Variants in CLK4 observed in about 807,000 individuals in gnomAD.
CLK4 encodes the protein CDC like kinase 4, also known as dual specificity protein kinase CLK4.
Under a neutral mutation model 64.4 loss-of-function variants are expected in CLK4, and 37 were observed. That is an observed-to-expected ratio of 0.57 (90% CI 0.44 to 0.76). CLK4 has a LOEUF of 0.76. Among genes scored for constraint, CLK4 ranks in the 30% least tolerant of loss-of-function variants. The pLI, the probability that CLK4 is intolerant of heterozygous loss-of-function variation, is 0.00. For synonymous variants in CLK4, 175 were observed against 191.6 expected (o/e 0.91, Z 0.72); for missense variants, 457 against 605.1 (o/e 0.76, Z 2.57).
intron 2 of CLK4, chr5:178,622,301 T>C (rs1267698143): frequency 3.1e-6 from 1 of 327,278 alleles, no homozygotes; most frequent in Admixed American, 6.5e-5. Flanking sequence ...TATATAACAA[T>C]GCGTATGAAG....
Position 178,613,830 on chromosome 5 carries a change from C to T in CLK4, c.556G>A (p.Val186Ile), listed in dbSNP as rs771039065. 6.2e-7 allele frequency: 1 copy of T among 1,611,858 alleles called. No individual in the cohort carries two copies. The highest frequency in any genetic ancestry group is 8.5e-7 in the Non-Finnish European group (1 of 1,178,114). ...ACATTTTTTACGATTTTCACTGCTA[C>T]ATGCATGCCATCCCTTAAAAATAAA... ...CIDHGMDGMH[V>I]AVKIVKNVGR... The change falls in exon 6 of 13, where the codon GTA (valine) becomes ATA (isoleucine). Residue 186 changes from valine to isoleucine, a missense_variant. Coordinates refer to ENST00000316308, the MANE Select transcript of CLK4 (RefSeq NM_020666.3).
chr5:178,624,408 T>C lies in CLK4; in HGVS notation c.1-992A>G, dbSNP rs117746104. Among the ~76,000 whole-genome samples, 153 of 152,358 alleles carry C rather than the reference T, an allele frequency of 1.0e-3. 2 individuals are homozygous for C. The East Asian group carries it at 0.014, about 14-fold the overall frequency. On this transcript the variant is annotated intron_variant, in intron 1 of 12. Transcript: ENST00000316308. ...TATTCTTAACCTTAAAATCTATTTGTAGTAAATCTGGAGTAACTCTGAAAA... is the reference window on the plus strand; with the variant it reads ...TATTCTTAACCTTAAAATCTATTTGCAGTAAATCTGGAGTAACTCTGAAAA...
At position 178,626,030 on chromosome 5, in the gene CLK4, A is replaced by G. The variant is rs1581713337; in HGVS notation, c.-1+916T>C. ...TAATGACACAATGGATCTCATATGT[A>G]GATCCATCGCCACTGCCCTTAAGAT... On this transcript the variant is annotated intron_variant, in intron 1 of 12. Coordinates refer to ENST00000316308, the MANE Select transcript of CLK4 (RefSeq NM_020666.3). Among the ~76,000 whole-genome samples, 6 of 152,370 alleles carry G rather than the reference A, an allele frequency of 3.9e-5. No individual in the cohort carries two copies. In the South Asian group the frequency reaches 1.2e-3, roughly 32 times the overall value.
rs3065240 is a variant in CLK4, at chr5:178,605,142, A to AAG, written c.1214+160_1214+161insCT. Reference sequence around the variant, plus strand: ...GAGACTCCATCTCAAAAAAAAAAAAAGGAGTAAGATGAAGTTAGAAGTTAC... The same window carrying AAG: ...GAGACTCCATCTCAAAAAAAAAAAAAAGGGAGTAAGATGAAGTTAGAAGTTAC... On this transcript the variant is annotated intron_variant, in intron 11 of 12. Transcript: ENST00000316308. 1.4e-3 allele frequency: 467 copies of AAG among 331,858 alleles called. 3 individuals are homozygous for AAG. The highest frequency in any genetic ancestry group is 0.01 in the African/African-American group (451 of 44,916). 20.6% of individuals were successfully genotyped at this position (331,858 alleles called of 1,614,324 possible). A position where few individuals can be genotyped will look rare whatever the true frequency, so the allele number is the denominator to read the frequency against.
In CLK4 at chr5:178,612,300, A is replaced by C. The variant is rs1352655039; in HGVS notation, c.1051+116T>G. 1.7e-5 allele frequency: 16 copies of C among 915,748 alleles called. No individual in the cohort carries two copies. In the South Asian group the frequency reaches 3.5e-4, roughly 20 times the overall value. 56.7% of individuals were successfully genotyped at this position (915,748 alleles called of 1,614,324 possible). On this transcript the variant is annotated intron_variant, in intron 9 of 12. Coordinates refer to ENST00000316308, the MANE Select transcript of CLK4 (RefSeq NM_020666.3). ...GTCCACACATTTTTTATGAAAATAG[A>C]AAACGTTTTCTGAATCCTGCTGAGA...
intron 1 of CLK4, among the ~76,000 whole-genome samples, chr5:178,626,249 G>A (rs1339648718): frequency 6.6e-6 from 1 of 152,146 alleles, no homozygotes; most frequent in African/African-American, 2.4e-5. Flanking sequence ...TTTGCGGGGC[G>A]GTTTCCTAAG....
In CLK4 at chr5:178,617,941, A is replaced by G. The variant is rs907765490; in HGVS notation, c.385-507T>C. ...AATTTCAATGTTCAATCTAATAAAA[A>G]CTAGTTTTACTGAAGAAAACTTGGG... On this transcript the variant is annotated intron_variant, in intron 3 of 12. Transcript: ENST00000316308. The surrounding 1 kb of genome is among the most constrained non-coding windows in gnomAD (Gnocchi z 5.2). 2.6e-5 allele frequency: 4 copies of G among 152,202 alleles called. No individual in the cohort carries two copies. The highest frequency in any genetic ancestry group is 5.9e-5 in the Non-Finnish European group (4 of 68,080). 9.4% of individuals were successfully genotyped at this position (152,202 alleles called of 1,614,324 possible).
chr5:178,612,435 T>G lies in CLK4; in HGVS notation c.1032A>C (p.Arg344Ser). 1 of 1,612,900 alleles carries G rather than the reference T, an allele frequency of 6.2e-7. No homozygotes were observed. Residue 344 changes from arginine (R) to serine (S), a missense_variant, in exon 9 of 13, where the codon AGA becomes AGC. Arg to Ser is a moderately radical substitution (Grantham distance 110). Transcript: ENST00000316308. ...ACTGACCCAAAATGACCTCGGGAGC[T>G]CTGTAGTGCCGGGTAGACACCAAAG... is the stretch of plus-strand genomic sequence containing the variant. ...HSTLVSTRHY[R>S]APEVILALGW...
intron 2 of CLK4, among the ~76,000 whole-genome samples, chr5:178,618,995 A>T (rs1342404224): frequency 1.3e-5 from 2 of 152,224 alleles, no homozygotes. Flanking sequence ...GCTGTCAAGC[A>T]CTTCACACCA....
intron 5 of CLK4, 123 bp from the exon 6 acceptor site, chr5:178,613,966 ATAT>A (rs1311765185): frequency 1.9e-5 from 12 of 641,394 alleles, no homozygotes; most frequent in Non-Finnish European, 2.7e-5. Flanking sequence ...CTTTCAGAAC[ATAT>A]TATAGCAGAT....
rs1764640854 is a variant in CLK4 at position 178,617,337 on chromosome 5, T to C, written c.475+7A>G. On this transcript the variant is annotated splice_region_variant and intron_variant, in intron 4 of 12. Transcript: ENST00000316308. The surrounding 1 kb of genome is among the most constrained non-coding windows in gnomAD (Gnocchi z 5.2). ...AAGTTTAAAAAGTGTTGAAAAATATTCTATACATCTTGCTCTTAGAACGTC... is the reference window on the plus strand; with the variant it reads ...AAGTTTAAAAAGTGTTGAAAAATATCCTATACATCTTGCTCTTAGAACGTC... The C allele has an allele frequency of 6.2e-7, 1 of 1,600,044 alleles. No individual in the cohort carries two copies.
In CLK4 at chr5:178,614,593, C is replaced by G. The variant is rs369147054; in HGVS notation, c.543-750G>C. On this transcript the variant is annotated intron_variant, in intron 5 of 12. Coordinates refer to ENST00000316308, the MANE Select transcript of CLK4 (RefSeq NM_020666.3). ...ATCTACCTACAGATGAGCCAGCATT[C>G]AAGCCTTCTTTTTCACTATGACCCT... Among the ~76,000 whole-genome samples the G allele has an allele frequency of 2.0e-5, 3 of 152,206 alleles. No individual in the cohort carries two copies. The East Asian group carries it at 5.8e-4, about 29-fold the overall frequency.
chr5:178,603,974 AAG>A, intron 11 of CLK4, 40 bp from the exon 12 acceptor site: 1 of 1,480,812 alleles, frequency 6.8e-7, no homozygotes, highest in Non-Finnish European at 9.3e-7. Context: ...GTAAAATAAC[AAG>A]AGTCGTATCT....
intron 2 of CLK4, chr5:178,619,742 C>T (rs576167539): frequency 1.6e-6 from 2 of 1,260,422 alleles, no homozygotes; most frequent in African/African-American, 3.1e-5. Context: ...GGTCATGGGC[C>T]TCAGGATGTC....
chr5:178,616,418 C>T (rs1764627652), intron 5 of CLK4, among the ~76,000 whole-genome samples: 1 of 152,180 alleles, frequency 6.6e-6, no homozygotes, highest in African/African-American at 2.4e-5. Context: ...TTAAGATCCA[C>T]ATTCACGGTA....
At chr5:178,605,469 C>G in intron 10 of CLK4, 87 bp from the exon 11 acceptor site, 1 of 748,006 alleles carries the variant, frequency 1.3e-6, no homozygotes, top group East Asian at 2.9e-5. Context: ...TAGTTTCCTT[C>G]TTTATTTGCA....
In CLK4 at chr5:178,612,510, G is replaced by A; in HGVS notation, c.957C>T (p.Ile319=). The change falls in exon 9 of 13, where the codon ATC becomes ATT. Residue 319 remains isoleucine, a synonymous_variant. Transcript: ENST00000316308. ...RDERTLKNTD[I]KVVDFGSATY... is the part of the protein sequence containing the mutation. ...TTGCACTTCCAAAGTCAACAACTTT[G>A]ATATCTGTGTTTTTCAGTGTGCGTT... 1 of 1,614,020 alleles carries A rather than the reference G, an allele frequency of 6.2e-7. No homozygotes were observed. The highest frequency in any genetic ancestry group is 8.5e-7 in the Non-Finnish European group (1 of 1,179,938).
In CLK4 at chr5:178,603,663, T is replaced by C; in HGVS notation, c.1400A>G (p.Asp467Gly). ...AAAGAAAGGATGCTGCAATGCTTCA[T>C]CCAAGGTAATTCTTTGAGTTGGATC... ...EYDPTQRITLDEALQHPFFDL... is the reference protein window; with the variant it reads ...EYDPTQRITLGEALQHPFFDL... Residue 467 changes from aspartate (D) to glycine (G), a missense_variant, in exon 13 of 13, where the codon GAT (aspartate) becomes GGT (glycine). Physicochemically the swap from Asp to Gly is moderately conservative, Grantham distance 94. Coordinates refer to ENST00000316308, the MANE Select transcript of CLK4 (RefSeq NM_020666.3). 2 of 1,601,046 alleles carry C rather than the reference T, an allele frequency of 1.2e-6. No individual in the cohort carries two copies. The highest frequency in any genetic ancestry group is 1.7e-6 in the Non-Finnish European group (2 of 1,176,488).
chr5:178,603,580 T>C lies in CLK4; in HGVS notation c.*37A>G, dbSNP rs772024214. On this transcript the variant is annotated 3_prime_UTR_variant, in exon 13 of 13. Coordinates refer to ENST00000316308, the MANE Select transcript of CLK4 (RefSeq NM_020666.3). ...ACTGACACAGTCTTAAGTAATCTCT[T>C]CTAGAGAAGTATATAGTAAGACCAC... 1.8e-5 allele frequency: 26 copies of C among 1,455,906 alleles called. No homozygotes were observed. Among genetic ancestry groups the C allele is most frequent in the Non-Finnish European group, 2.4e-5 (26 of 1,085,750 alleles). 90.2% of individuals were successfully genotyped at this position (1,455,906 alleles called of 1,614,324 possible). A position where few individuals can be genotyped will look rare whatever the true frequency, so the allele number is the denominator to read the frequency against.
Sources: allele counts gnomAD v4.1 joint callset (sites outside exome capture counted in the v4.1 genomes callset), GRCh38; gene constraint gnomAD v4.1.1; non-coding constraint Gnocchi (gnomAD v3.1); transcripts MANE v1.5; gene names NCBI Gene and HGNC (gene_info 2026-07-23, HGNC 2026-07-21).